Variants in PDE10A observed in about 807,000 individuals in gnomAD.
PDE10A encodes the protein phosphodiesterase 10A.
Under a neutral mutation model 97.7 loss-of-function variants are expected in PDE10A, and 39 were observed. The observed-to-expected ratio is 0.40, with a 90% CI of 0.31 to 0.52. PDE10A has a LOEUF of 0.52. Ranked by LOEUF, PDE10A falls within the 20% of genes least tolerant of loss-of-function variation. PDE10A has a pLI of 0.56. For synonymous variants in PDE10A, 371 were observed against 376.8 expected, an observed-to-expected ratio of 0.98 and a Z score of 0.18; for missense variants, 731 against 1,047.8, an observed-to-expected ratio of 0.70 and a Z score of 4.17.
At chr6:165,903,867 C>T (rs1408280501) in intron 1 of PDE10A, among the ~76,000 whole-genome samples, 2 of 152,070 alleles carry the variant, frequency 1.3e-5, no homozygotes, top group African/African-American at 4.8e-5. Context: ...GAAGCAGTCA[C>T]CTATGGAAAA....
At chr6:165,882,761 GA>G (rs59205560) in intron 1 of PDE10A, among the ~76,000 whole-genome samples, 103,737 of 138,774 alleles carry the variant, frequency 0.75, 38,657 homozygotes, top group East Asian at 0.91. Flanking sequence ...AGATCACTCA[GA>G]AAAAAAAAAA....
At chr6:165,735,047 G>A (rs761328823) in intron 1 of PDE10A, among the ~76,000 whole-genome samples, 12 of 151,580 alleles carry the variant, frequency 7.9e-5, no homozygotes, top group Non-Finnish European at 1.5e-4. Context: ...ATAGATAATA[G>A]GGAGGTAGAC....
chr6:165,850,349 G>A (rs1284087281), intron 1 of PDE10A, among the ~76,000 whole-genome samples: 2 of 152,184 alleles, frequency 1.3e-5, no homozygotes, highest in East Asian at 1.9e-4. Context: ...AAGCCCCCGG[G>A]AAGTGCGTGG....
At chr6:165,612,522 C>A (rs12213759) in intron 1 of PDE10A, among the ~76,000 whole-genome samples, 1 of 152,076 alleles carries the variant, frequency 6.6e-6, no homozygotes, top group East Asian at 1.9e-4. Context: ...GCGCCCGCCA[C>A]CATGTCCGGC....
intron 1 of PDE10A, among the ~76,000 whole-genome samples, chr6:165,638,735 C>A (rs903774273): frequency 6.6e-6 from 1 of 152,154 alleles, no homozygotes; most frequent in African/African-American, 2.4e-5. Context: ...CCACACAACA[C>A]CCACATTGCA....
intron 1 of PDE10A, among the ~76,000 whole-genome samples, chr6:165,917,927 G>T (rs1427620162): frequency 6.6e-6 from 1 of 152,198 alleles, no homozygotes; most frequent in Non-Finnish European, 1.5e-5. Flanking sequence ...TCCTCCTGCT[G>T]CCCTGTGATT....
intron 1 of PDE10A, among the ~76,000 whole-genome samples, chr6:165,953,164 C>T (rs1279698923): frequency 6.6e-6 from 1 of 152,174 alleles, no homozygotes; most frequent in Non-Finnish European, 1.5e-5. Flanking sequence ...TGCAGAGGCA[C>T]TTTCCAACCA....
intron 3 of PDE10A, among the ~76,000 whole-genome samples, chr6:165,474,839 T>G: frequency 6.6e-6 from 1 of 151,932 alleles, no homozygotes; most frequent in Non-Finnish European, 1.5e-5. Flanking sequence ...CTAGACTCCA[T>G]AAGGAAAAAT....
chr6:165,366,189 A>G (rs1783758715), intron 18 of PDE10A, among the ~76,000 whole-genome samples: 1 of 152,186 alleles, frequency 6.6e-6, no homozygotes, highest in African/African-American at 2.4e-5. Context: ...CTCTAAACTC[A>G]TGTCTATTAA....
intron 1 of PDE10A, among the ~76,000 whole-genome samples, chr6:165,592,882 T>A (rs1037116384): frequency 1.3e-5 from 2 of 152,190 alleles, no homozygotes; most frequent in Admixed American, 1.3e-4. Flanking sequence ...ATTGTGGAAG[T>A]CAGTGTGGCA....
intron 1 of PDE10A, among the ~76,000 whole-genome samples, chr6:165,589,811 ACAAGTTAGAAAG>A (rs1786143500): frequency 6.6e-6 from 1 of 152,238 alleles, no homozygotes; most frequent in South Asian, 2.1e-4. Context: ...AGGTTAAGTA[ACAAGTTAGAAAG>A]CAAGGGAACA....
At chr6:165,759,110 C>T (rs1793192916) in intron 1 of PDE10A, among the ~76,000 whole-genome samples, 1 of 152,126 alleles carries the variant, frequency 6.6e-6, no homozygotes, top group Non-Finnish European at 1.5e-5. Context: ...GTCCCAGGAG[C>T]TATGAGATCC....
At chr6:165,932,484 C>A (rs1403917034) in intron 1 of PDE10A, among the ~76,000 whole-genome samples, 1 of 152,078 alleles carries the variant, frequency 6.6e-6, no homozygotes, top group African/African-American at 2.4e-5. Context: ...TACAGCCATG[C>A]ACCACCATGC....
At chr6:165,399,981 G>A (rs1786514207) in intron 13 of PDE10A, among the ~76,000 whole-genome samples, 2 of 152,134 alleles carry the variant, frequency 1.3e-5, no homozygotes. Flanking sequence ...TGGCATCAAG[G>A]GGCACAAACG....
rs763780528 is a variant in PDE10A, at chr6:165,661,960, G to A, written c.852C>T (p.Cys284=). 1.1e-5 allele frequency: 12 copies of A among 1,105,964 alleles called. No individual in the cohort carries two copies. Among genetic ancestry groups the A allele is most frequent in the South Asian group, 1.4e-5 (1 of 73,534 alleles). 68.5% of individuals were successfully genotyped at this position (1,105,964 alleles called of 1,614,324 possible). A position where few individuals can be genotyped will look rare whatever the true frequency, so the allele number is the denominator to read the frequency against. ...CAGGCCACTTACTGGGGCTCAGGAA[G>A]CACTCGGTCAGCCTTCGGAAGCAGC... ...NASCFRRLTE[C]FLSPSLTDEK... Residue 284 remains cysteine (C), a synonymous_variant, in exon 1 of 22, where the codon TGC becomes TGT. Transcript: ENST00000539869. This position sits in a 1 kb window ranked among gnomAD's most constrained non-coding sequence, Gnocchi z 4.8.
At chr6:165,926,938 A>G (rs1440541385) in intron 1 of PDE10A, among the ~76,000 whole-genome samples, 5 of 152,166 alleles carry the variant, frequency 3.3e-5, no homozygotes, top group Admixed American at 1.3e-4. Flanking sequence ...ATTGGAGTTT[A>G]CTTACTATAG....
chr6:165,443,636 C>T (rs1790632242), intron 5 of PDE10A, among the ~76,000 whole-genome samples: 1 of 152,222 alleles, frequency 6.6e-6, no homozygotes, highest in Admixed American at 6.5e-5. Context: ...TTCTCCTCTG[C>T]ACTGCACTAG....
chr6:165,478,820 C>A (rs1779440656), intron 3 of PDE10A, among the ~76,000 whole-genome samples: 1 of 152,162 alleles, frequency 6.6e-6, no homozygotes, highest in African/African-American at 2.4e-5. Flanking sequence ...AAAACCCTTA[C>A]CTTAAGCCAG....
At chr6:165,510,761 C>T (rs930615836) in intron 2 of PDE10A, among the ~76,000 whole-genome samples, 6 of 152,042 alleles carry the variant, frequency 3.9e-5, no homozygotes, top group African/African-American at 1.2e-4. Context: ...TGGTAGAATG[C>T]ATGCAGCCCG....
Sources: allele counts gnomAD v4.1 joint callset (sites outside exome capture counted in the v4.1 genomes callset), GRCh38; gene constraint gnomAD v4.1.1; non-coding constraint Gnocchi (gnomAD v3.1); transcripts MANE v1.5; gene names NCBI Gene and HGNC (gene_info 2026-07-23, HGNC 2026-07-21).